Variants in RET observed in about 807,000 individuals in gnomAD.
The protein encoded by RET is proto-oncogene tyrosine-protein kinase receptor Ret.
A neutral mutation model predicts 118.3 loss-of-function variants in RET; 19 were observed. That is an observed-to-expected ratio of 0.16 (90% CI 0.11 to 0.24). RET has a LOEUF of 0.24. Ranked by LOEUF, RET falls within the 10% of genes least tolerant of loss-of-function variation. The pLI, the probability that RET is intolerant of heterozygous loss-of-function variation, is 1.00. For synonymous variants in RET, 597 were observed against 644.1 expected, an observed-to-expected ratio of 0.93 and a Z score of 1.11; for missense variants, 1,219 against 1,502.1, an observed-to-expected ratio of 0.81 and a Z score of 3.12.
At chr10:43,090,854 C>G (rs1267752657) in intron 1 of RET, among the ~76,000 whole-genome samples, 1 of 149,348 alleles carries the variant, frequency 6.7e-6, no homozygotes, top group African/African-American at 2.5e-5. Flanking sequence ...CCCTTGTGAG[C>G]CCTCACACCT....
chr10:43,098,400 G>A (rs1837565869), intron 1 of RET, among the ~76,000 whole-genome samples: 1 of 150,400 alleles, frequency 6.6e-6, no homozygotes, highest in African/African-American at 2.4e-5. Flanking sequence ...CAGTGTTATA[G>A]CCTGTGTCAG....
chr10:43,096,390 G>A (rs1016105955), intron 1 of RET, among the ~76,000 whole-genome samples: 2 of 152,092 alleles, frequency 1.3e-5, no homozygotes, highest in Admixed American at 6.5e-5. Context: ...CCTAACCCCC[G>A]AGACACAAAG....
intron 17 of RET, among the ~76,000 whole-genome samples, chr10:43,124,316 G>A (rs1045967256): frequency 2.6e-5 from 4 of 152,172 alleles, no homozygotes; most frequent in African/African-American, 7.2e-5. Flanking sequence ...TGTGCACACT[G>A]CTGGGGCGTG....
intron 14 of RET, 26 bp downstream of exon 14, chr10:43,119,771 G>A (rs745983589): frequency 6.2e-7 from 1 of 1,606,122 alleles, no homozygotes; most frequent in South Asian, 1.1e-5. Flanking sequence ...TCTGCACCCA[G>A]CCAGCCCCGG....
At chr10:43,111,170 A>T (rs1837910672) in intron 6 of RET, 37 bp from the exon 7 acceptor site, 1 of 1,611,820 alleles carries the variant, frequency 6.2e-7, no homozygotes, top group African/African-American at 1.3e-5. Context: ...AGGCCGGTCC[A>T]GCTGCCTGGC....
intron 1 of RET, among the ~76,000 whole-genome samples, chr10:43,089,204 A>G (rs2132579171): frequency 6.6e-6 from 1 of 152,230 alleles, no homozygotes; most frequent in South Asian, 2.1e-4. Context: ...CAGCCGGCTG[A>G]CCTCAGGGAG....
Position 43,100,551 on chromosome 10 carries a change from C to A in RET, c.166C>A (p.Leu56Met), listed in dbSNP as rs145633958. 4.8e-3 allele frequency: 7,763 copies of A among 1,613,938 alleles called. 25 individuals are homozygous for A. The highest frequency in any genetic ancestry group is 6.0e-3 in the Non-Finnish European group (7,135 of 1,180,022). Residue 56 changes from leucine (L) to methionine (M), a missense_variant, in exon 2 of 20, where the codon CTG (leucine) becomes ATG (methionine). Leu to Met is a conservative substitution (Grantham distance 15). Coordinates refer to ENST00000355710, the MANE Select transcript of RET (RefSeq NM_020975.6). ...AGTPLLYVHA[L>M]RDAPEEVPSF... is the part of the protein sequence containing the mutation. The stretch of plus-strand genomic sequence containing the variant: ...CACGCCCTTGCTGTACGTCCATGCC[C>A]TGCGGGACGCCCCTGAGGAGGTGCC...
chr10:43,106,095 A>G lies in RET; in HGVS notation c.868-281A>G, dbSNP rs2132716829. 6.6e-6 allele frequency among the ~76,000 whole-genome samples: 1 copy of G among 152,296 alleles called. No individual in the cohort carries two copies. Among genetic ancestry groups the G allele is most frequent in the Non-Finnish European group, 1.5e-5 (1 of 68,020 alleles). ...GGGGACCTGGATGGGACCTGCCAGC[A>G]GGGTGCCTGGGCATCGGCTGTAATT... On this transcript the variant is annotated intron_variant, in intron 4 of 19. Transcript: ENST00000355710. The surrounding 1 kb of genome is among the most constrained non-coding windows in gnomAD (Gnocchi z 5.1).
At position 43,106,829 on chromosome 10, in the gene RET, C is replaced by T. The variant is rs924811506; in HGVS notation, c.1063+258C>T. Among the ~76,000 whole-genome samples, 2 of 152,216 alleles carry T rather than the reference C, an allele frequency of 1.3e-5. No homozygotes were observed. Among genetic ancestry groups the T allele is most frequent in the East Asian group, 3.8e-4 (2 of 5,198 alleles). On this transcript the variant is annotated intron_variant, in intron 5 of 19. Coordinates refer to ENST00000355710, the MANE Select transcript of RET (RefSeq NM_020975.6). This position sits in a 1 kb window ranked among gnomAD's most constrained non-coding sequence, Gnocchi z 5.1. ...CCCTGGCAGGGCCCCACCACACCCC[C>T]CTGCTGACCTCACCAGGGCTCACCA...
At chr10:43,094,133 T>A (rs1837469392) in intron 1 of RET, among the ~76,000 whole-genome samples, 1 of 151,470 alleles carries the variant, frequency 6.6e-6, no homozygotes, top group Non-Finnish European at 1.5e-5. Context: ...CCTGAGAGGA[T>A]AACAGTGCTC....
At chr10:43,092,755 T>G (rs1420496778) in intron 1 of RET, among the ~76,000 whole-genome samples, 2 of 152,040 alleles carry the variant, frequency 1.3e-5, no homozygotes, top group Non-Finnish European at 2.9e-5. Flanking sequence ...AAAGGAGTGG[T>G]TTTGTCCTCA....
chr10:43,098,124 T>C (rs1347344986), intron 1 of RET, among the ~76,000 whole-genome samples: 1 of 152,230 alleles, frequency 6.6e-6, no homozygotes, highest in African/African-American at 2.4e-5. Flanking sequence ...TATTTTTAAG[T>C]ATACATTTCA....
intron 2 of RET, 73 bp from the exon 3 acceptor site, chr10:43,102,269 C>T (rs1183919514): frequency 2.0e-5 from 31 of 1,588,370 alleles, no homozygotes; most frequent in Non-Finnish European, 2.5e-5. Context: ...CCCTGGAGCT[C>T]CTGCCTCCTC....
Position 43,126,703 on chromosome 10 carries a change from G to T in RET, c.3168G>T (p.Trp1056Cys), listed in dbSNP as rs1302642973. The T allele has an allele frequency of 1.2e-6, 2 of 1,613,972 alleles. No individual in the cohort carries two copies. Among genetic ancestry groups the T allele is most frequent in the South Asian group, 1.1e-5 (1 of 91,072 alleles). ...TCCCTCGAGCCCTCCCTTCCACATG[G>T]ATTGAAAACAAACTCTATGGTAGAA... ...APLPRALPST[W>C]IENKLYGMSD... The change falls in exon 19 of 20, where the codon TGG becomes TGT. Residue 1056 changes from tryptophan to cysteine, a missense_variant. By Grantham distance (215) the Trp-to-Cys change is radical. Transcript: ENST00000355710.
At chr10:43,107,371 C>T (rs1050866001) in intron 5 of RET, among the ~76,000 whole-genome samples, 1 of 152,180 alleles carries the variant, frequency 6.6e-6, no homozygotes, top group Admixed American at 6.5e-5. Flanking sequence ...CACATGAGAT[C>T]CACAGTGGCA....
intron 14 of RET, 81 bp from the exon 15 acceptor site, chr10:43,120,000 C>A (rs1304946521): frequency 6.3e-7 from 1 of 1,589,826 alleles, no homozygotes; most frequent in Admixed American, 1.7e-5. Context: ...CACACCACCC[C>A]TCTGCTGGTC....
chr10:43,104,634 CGGAGG>C (rs1207060169), intron 3 of RET: 8 of 505,660 alleles, frequency 1.6e-5, no homozygotes, highest in Non-Finnish European at 1.1e-5. Context: ...GCCAGGTGGG[CGGAGG>C]GGTGTCCCAG....
intron 1 of RET, among the ~76,000 whole-genome samples, chr10:43,080,048 T>C (rs1837146154): frequency 6.6e-6 from 1 of 152,206 alleles, no homozygotes; most frequent in African/African-American, 2.4e-5. Context: ...TGCATTGAGC[T>C]GATTCACTAA....
rs201756161 is a variant in RET at position 43,123,828 on chromosome 10, G to A, written c.2939+20G>A. The A allele has an allele frequency of 1.4e-5, 22 of 1,613,894 alleles. No individual in the cohort carries two copies. Among genetic ancestry groups the A allele is most frequent in the Admixed American group, 1.3e-4 (8 of 60,024 alleles). Reference sequence around the variant, plus strand: ...GGAGATGTGAGCGGGGACTGGCTTTGGCCCAGCCTCACTTGGGAAGGGAGG... The same window carrying A: ...GGAGATGTGAGCGGGGACTGGCTTTAGCCCAGCCTCACTTGGGAAGGGAGG... On this transcript the variant is annotated intron_variant, in intron 17 of 19. Coordinates refer to ENST00000355710, the MANE Select transcript of RET (RefSeq NM_020975.6).
Sources: gnomAD v4.1 joint callset for allele counts (sites outside exome capture counted in the v4.1 genomes callset) on GRCh38, gnomAD v4.1.1 for gene constraint, Gnocchi (gnomAD v3.1) non-coding constraint, MANE v1.5 for transcripts, NCBI Gene and HGNC (gene_info 2026-07-23, HGNC 2026-07-21) for gene names.